Variants in AOPEP observed in about 807,000 individuals in gnomAD.
AOPEP encodes aminopeptidase O.
Under a neutral mutation model 98.1 loss-of-function variants are expected in AOPEP, and 77 were observed. That is an observed-to-expected ratio of 0.78 (90% CI 0.65 to 0.95). AOPEP has a LOEUF of 0.95. AOPEP is among the 40% of genes least tolerant of loss of function. The pLI is 0.00. For synonymous variants in AOPEP, 346 were observed against 365.3 expected (o/e 0.95, Z 0.60); for missense variants, 1,024 against 1,024.7 (o/e 1.00, Z 0.01).
intron 11 of AOPEP, among the ~76,000 whole-genome samples, chr9:95,003,209 A>G (rs1326249425): frequency 6.6e-6 from 1 of 152,192 alleles, no homozygotes; most frequent in Non-Finnish European, 1.5e-5. Flanking sequence ...TAAAAACTGC[A>G]AAGGGAAAAA....
chr9:94,831,053 TA>T (rs1855860994), intron 5 of AOPEP, among the ~76,000 whole-genome samples: 1 of 152,236 alleles, frequency 6.6e-6, no homozygotes, highest in Non-Finnish European at 1.5e-5. Context: ...CTCCTTAGTT[TA>T]ATTAGATCCC....
intron 2 of AOPEP, among the ~76,000 whole-genome samples, chr9:94,770,926 C>G (rs1840721396): frequency 6.6e-6 from 1 of 152,208 alleles, no homozygotes; most frequent in Admixed American, 6.5e-5. Context: ...GCCAGCTCAG[C>G]AGCTGGCTAC....
At chr9:94,810,733 T>A (rs1388066024) in intron 5 of AOPEP, among the ~76,000 whole-genome samples, 6 of 152,194 alleles carry the variant, frequency 3.9e-5, no homozygotes, top group African/African-American at 1.4e-4. Context: ...AGGCTTGGAT[T>A]TTCTTGGACT....
chr9:94,795,287 A>G (rs1333605716), intron 4 of AOPEP, among the ~76,000 whole-genome samples: 1 of 152,028 alleles, frequency 6.6e-6, no homozygotes, highest in East Asian at 1.9e-4. Context: ...CCACCTTCCC[A>G]TCTGGAGAGT....
chr9:95,005,191 T>G lies in AOPEP; in HGVS notation c.2011T>G (p.Cys671Gly). The G allele has an allele frequency of 8.8e-7, 1 of 1,142,240 alleles. No homozygotes were observed. Among genetic ancestry groups the G allele is most frequent in the South Asian group, 3.4e-5 (1 of 29,204 alleles). 70.8% of individuals were successfully genotyped at this position (1,142,240 alleles called of 1,614,324 possible). Reference protein sequence around the residue: ...LQRERRAGAECGLARQVRAEV... With the variant: ...LQRERRAGAEGGLARQVRAEV... ...GAGGGAGCGTCGCGCCGGGGCGGAGTGCGGGCTTGCGCGGCAAGTGCGCGC... is the reference window on the plus strand; with the variant it reads ...GAGGGAGCGTCGCGCCGGGGCGGAGGGCGGGCTTGCGCGGCAAGTGCGCGC... Residue 671 changes from cysteine to glycine, a missense_variant, in exon 12 of 17, where the codon TGC becomes GGC. Coordinates refer to ENST00000375315, the MANE Select transcript of AOPEP (RefSeq NM_001193329.3).
At chr9:94,838,909 C>CTTTTTTTTT (rs35849023) in intron 5 of AOPEP, among the ~76,000 whole-genome samples, 10 of 99,762 alleles carry the variant, frequency 1.0e-4, no homozygotes, top group African/African-American at 3.4e-4. Flanking sequence ...AAATGCTATT[C>CTTTTTTTTT]TTTTTTTTTT....
intron 10 of AOPEP, among the ~76,000 whole-genome samples, chr9:94,977,266 G>A (rs1205919038): frequency 6.6e-6 from 1 of 152,172 alleles, no homozygotes; most frequent in Non-Finnish European, 1.5e-5. Context: ...TGCTGGACAT[G>A]CCCCTGGAGA....
intron 5 of AOPEP, among the ~76,000 whole-genome samples, chr9:94,802,050 C>T (rs1300503624): frequency 6.6e-6 from 1 of 152,084 alleles, no homozygotes; most frequent in Non-Finnish European, 1.5e-5. Context: ...GTCATTTAGA[C>T]TGATTTTTAT....
chr9:95,136,742 C>T, the AOPEP span, among the ~76,000 whole-genome samples: 1 of 152,182 alleles, frequency 6.6e-6, no homozygotes, highest in African/African-American at 2.4e-5. Context: ...CCTTGGCCTC[C>T]CAAAATGTTG....
chr9:94,739,843 G>T (rs1333019126), intron 1 of AOPEP, among the ~76,000 whole-genome samples: 1 of 152,072 alleles, frequency 6.6e-6, no homozygotes, highest in African/African-American at 2.4e-5. Flanking sequence ...CACTAGTGGA[G>T]ACTGAGGAAA....
chr9:94,966,672 A>T (rs552876867), intron 9 of AOPEP, among the ~76,000 whole-genome samples: 1 of 152,240 alleles, frequency 6.6e-6, no homozygotes, highest in African/African-American at 2.4e-5. Context: ...GGTTGACACT[A>T]GGATTACACA....
chr9:94,977,608 C>T (rs1273869858), intron 10 of AOPEP, among the ~76,000 whole-genome samples: 1 of 152,320 alleles, frequency 6.6e-6, no homozygotes, highest in South Asian at 2.1e-4. Flanking sequence ...CACACACACA[C>T]GGATACACAT....
chr9:94,760,636 G>A (rs1838050685), intron 2 of AOPEP, 56 bp downstream of exon 2: 2 of 1,397,004 alleles, frequency 1.4e-6, no homozygotes, highest in Non-Finnish European at 1.9e-6. Flanking sequence ...ACGCTGCGGG[G>A]ATGCTTTCAA....
downstream of AOPEP, among the ~76,000 whole-genome samples, chr9:95,090,645 C>T (rs2070854646): frequency 6.6e-6 from 1 of 152,090 alleles, no homozygotes; most frequent in Admixed American, 6.5e-5. Context: ...CAGCCCCTGC[C>T]TCCCTGCTGG....
chr9:95,081,980 G>C (rs1439986080), intron 15 of AOPEP, among the ~76,000 whole-genome samples: 3 of 152,052 alleles, frequency 2.0e-5, no homozygotes, highest in Non-Finnish European at 4.4e-5. Flanking sequence ...ATGCAGATGT[G>C]AGTGTTTGCG....
chr9:95,136,414 GTTAT>G, the AOPEP span, among the ~76,000 whole-genome samples: 1 of 151,898 alleles, frequency 6.6e-6, no homozygotes, highest in Non-Finnish European at 1.5e-5. Context: ...ATATATGGTA[GTTAT>G]GGCCTAGTTG....
intron 1 of AOPEP, among the ~76,000 whole-genome samples, chr9:94,757,211 T>C (rs1407358339): frequency 6.6e-6 from 1 of 152,168 alleles, no homozygotes; most frequent in Non-Finnish European, 1.5e-5. Context: ...TATGGTTGAG[T>C]TGCAGAGATT....
chr9:94,803,858 T>C (rs1848686501), intron 5 of AOPEP, among the ~76,000 whole-genome samples: 1 of 152,208 alleles, frequency 6.6e-6, no homozygotes, highest in South Asian at 2.1e-4. Context: ...TCAGTGGGTG[T>C]GTGTGGGCTT....
At chr9:95,140,309 A>G in the AOPEP span, among the ~76,000 whole-genome samples, 4 of 152,246 alleles carry the variant, frequency 2.6e-5, no homozygotes, top group Middle Eastern at 6.8e-3. Context: ...GACTCTTCCA[A>G]AAGACACCTC....
Sources: allele counts gnomAD v4.1 joint callset (sites outside exome capture counted in the v4.1 genomes callset), GRCh38; gene constraint gnomAD v4.1.1; transcripts MANE v1.5; gene names NCBI Gene and HGNC (gene_info 2026-07-23, HGNC 2026-07-21).